ZFHX3: variants seen among roughly 807,000 people sequenced by gnomAD.
The protein encoded by ZFHX3 is zinc finger homeobox protein 3.
A neutral mutation model predicts 279.1 loss-of-function variants in ZFHX3; 42 were observed. The ratio of observed to expected loss-of-function variants is 0.15; its 90% CI spans 0.12 to 0.19. ZFHX3 has a LOEUF of 0.19. ZFHX3 is among the 10% of genes least tolerant of loss of function. The probability of loss-of-function intolerance (pLI) is 1.00; values close to 1 mark genes in which losing one functional copy is unlikely to be tolerated. For missense variants in ZFHX3, 4,981 were observed against 4,754.0 expected, an observed-to-expected ratio of 1.05 and a Z score of -1.40; for synonymous variants, 2,293 against 1,957.8, an observed-to-expected ratio of 1.17 and a Z score of -4.52.
chr16:73,373,365 A>C (rs2143345313), intron 3 of ZFHX3, among the ~76,000 whole-genome samples: 1 of 152,318 alleles, frequency 6.6e-6, no homozygotes, highest in African/African-American at 2.4e-5. Flanking sequence ...CCATTGACCT[A>C]GGAGCCACGA....
At chr16:73,123,049 G>T (rs1292643828) in intron 7 of ZFHX3, among the ~76,000 whole-genome samples, 1 of 151,908 alleles carries the variant, frequency 6.6e-6, no homozygotes, top group Admixed American at 6.6e-5. Flanking sequence ...CAGGAAGAGT[G>T]TCAGATGTTC....
chr16:73,688,518 T>C (rs192228764), intron 1 of ZFHX3, among the ~76,000 whole-genome samples: 39 of 152,144 alleles, frequency 2.6e-4, no homozygotes, highest in African/African-American at 8.9e-4. Context: ...CATCCCACCA[T>C]GTAAGGACAC....
At chr16:72,920,085 G>A (rs558146515) in intron 3 of ZFHX3, among the ~76,000 whole-genome samples, 15 of 151,590 alleles carry the variant, frequency 9.9e-5, no homozygotes, top group Non-Finnish European at 1.5e-4. Context: ...GAGCTACTGC[G>A]CCCGGTCCCT....
At chr16:73,259,491 C>A (rs909767581) in intron 4 of ZFHX3, among the ~76,000 whole-genome samples, 3 of 152,098 alleles carry the variant, frequency 2.0e-5, no homozygotes, top group Non-Finnish European at 4.4e-5. Flanking sequence ...GAGAAAATAC[C>A]TTTTTCGATT....
intron 1 of ZFHX3, among the ~76,000 whole-genome samples, chr16:73,786,322 C>T (rs929028758): frequency 6.6e-6 from 1 of 151,958 alleles, no homozygotes. Flanking sequence ...CTCTTTTCTT[C>T]CCCCTGTAAT....
intron 7 of ZFHX3, among the ~76,000 whole-genome samples, chr16:73,122,363 A>G (rs1170614659): frequency 6.6e-6 from 1 of 151,060 alleles, no homozygotes; most frequent in Non-Finnish European, 1.5e-5. Flanking sequence ...ATGCCAGGCT[A>G]ATTTTTGTAT....
chr16:72,787,698 GCCGCCGCCGCCGCCGCCGCCA>G lies in ZFHX3; in HGVS notation c.10557_10577del (p.Gly3521_Gly3527del), dbSNP rs781609559. On this transcript the variant is annotated inframe_deletion, in exon 10 of 10. Coordinates refer to ENST00000268489, the MANE Select transcript of ZFHX3 (RefSeq NM_006885.4). The stretch of plus-strand genomic sequence containing the variant: ...CGCACGCCAGGCAGTGGTACGAGCC[GCCGCCGCCGCCGCCGCCGCCA>G]CCGCCGCCGCCGCCGCCACTGCCAC... 1.0e-3 allele frequency: 1,316 copies of G among 1,315,170 alleles called. 107 individuals carry two copies. The highest frequency in any genetic ancestry group is 1.5e-3 in the Admixed American group (60 of 39,302). 81.5% of individuals were successfully genotyped at this position (1,315,170 alleles called of 1,614,324 possible).
At chr16:72,950,339 G>A in intron 3 of ZFHX3, 130 bp downstream of exon 3, 1 of 1,423,912 alleles carries the variant, frequency 7.0e-7, no homozygotes, top group Non-Finnish European at 9.4e-7. Context: ...CTCAACTCCA[G>A]GTTCCCAACC....
intron 2 of ZFHX3, among the ~76,000 whole-genome samples, chr16:73,561,457 A>G (rs1361179669): frequency 6.6e-6 from 1 of 152,246 alleles, no homozygotes; most frequent in Non-Finnish European, 1.5e-5. Flanking sequence ...AAATACTTAC[A>G]TATCAAATTT....
In ZFHX3 at chr16:72,889,721, G is replaced by A; in HGVS notation, c.3448+10C>T. ...CAACCTGGGCCTCCCATGCCTGTGA[G>A]ACCACTCACCTGGGTCCGTGGAGGG... On this transcript the variant is annotated intron_variant, in intron 4 of 9. Coordinates refer to ENST00000268489, the MANE Select transcript of ZFHX3 (RefSeq NM_006885.4). 5 of 1,611,098 alleles carry A rather than the reference G, an allele frequency of 3.1e-6. No homozygotes were observed. The highest frequency in any genetic ancestry group is 4.2e-6 in the Non-Finnish European group (5 of 1,179,338).
intron 4 of ZFHX3, among the ~76,000 whole-genome samples, chr16:72,874,105 G>A (rs552080445): frequency 6.6e-6 from 1 of 151,828 alleles, no homozygotes; most frequent in Admixed American, 6.6e-5. Context: ...GCGGGGCTTT[G>A]GAGGAAACTT....
At chr16:73,887,694 T>C (rs1187619032) in intron 1 of ZFHX3, among the ~76,000 whole-genome samples, 11 of 151,994 alleles carry the variant, frequency 7.2e-5, no homozygotes, top group Non-Finnish European at 4.4e-5. Context: ...AAACACAAAC[T>C]AATAAATAGT....
intron 4 of ZFHX3, among the ~76,000 whole-genome samples, chr16:72,883,488 C>G (rs1273551622): frequency 6.6e-6 from 1 of 152,168 alleles, no homozygotes; most frequent in Non-Finnish European, 1.5e-5. Flanking sequence ...ACCGCCAAAA[C>G]AGCCAGAGAC....
intron 5 of ZFHX3, among the ~76,000 whole-genome samples, chr16:73,244,539 G>C (rs1322207488): frequency 6.6e-6 from 1 of 152,202 alleles, no homozygotes. Flanking sequence ...CCCAGCTATG[G>C]AGGAGTTTCC....
intron 1 of ZFHX3, among the ~76,000 whole-genome samples, chr16:73,725,591 A>G (rs1171508421): frequency 6.6e-6 from 1 of 151,654 alleles, no homozygotes; most frequent in Non-Finnish European, 1.5e-5. Flanking sequence ...GAATCAGGGA[A>G]TAGGGTGGAT....
upstream of ZFHX3, among the ~76,000 whole-genome samples, chr16:73,051,053 C>G (rs1198884305): frequency 6.6e-6 from 1 of 152,156 alleles, no homozygotes; most frequent in Non-Finnish European, 1.5e-5. Flanking sequence ...TCCACTTTTG[C>G]AAAGGTAAAT....
chr16:73,427,079 T>C (rs1249777515), intron 3 of ZFHX3, among the ~76,000 whole-genome samples: 1 of 151,846 alleles, frequency 6.6e-6, no homozygotes, highest in Non-Finnish European at 1.5e-5. Flanking sequence ...CTGAAAGAGT[T>C]AGGCAGCAAT....
intron 1 of ZFHX3, among the ~76,000 whole-genome samples, chr16:73,856,520 A>G (rs192743905): frequency 1.1e-3 from 175 of 152,346 alleles, no homozygotes; most frequent in African/African-American, 3.8e-3. Context: ...AGAAAAATAC[A>G]TATTTGCTTG....
chr16:73,516,808 T>C (rs2019530037), intron 2 of ZFHX3, among the ~76,000 whole-genome samples: 1 of 152,210 alleles, frequency 6.6e-6, no homozygotes, highest in Non-Finnish European at 1.5e-5. Context: ...ACAGAGAGTA[T>C]GTGCTGAATA....
Sources: gnomAD v4.1 joint callset for allele counts (sites outside exome capture counted in the v4.1 genomes callset) on GRCh38, gnomAD v4.1.1 for gene constraint, MANE v1.5 for transcripts, NCBI Gene and HGNC (gene_info 2026-07-23, HGNC 2026-07-21) for gene names.